Variants in PSMA4 observed in about 807,000 individuals in gnomAD.
PSMA4 encodes proteasome subunit alpha type-4.
PSMA4 carries 8 observed loss-of-function variants against 37.2 expected under a neutral mutation model. The observed-to-expected ratio is 0.22, with a 90% CI of 0.13 to 0.39. The LOEUF is 0.39. PSMA4 is among the 10% of genes least tolerant of loss of function. The probability of loss-of-function intolerance (pLI) is 1.00; values close to 1 mark genes in which losing one functional copy is unlikely to be tolerated. For missense variants in PSMA4, 169 were observed against 305.1 expected, an observed-to-expected ratio of 0.55 and a Z score of 3.32; for synonymous variants, 93 against 98.8, an observed-to-expected ratio of 0.94 and a Z score of 0.35.
chr15:78,544,644 G>T, intron 5 of PSMA4: 1 of 491,040 alleles, frequency 2.0e-6, no homozygotes, highest in East Asian at 3.3e-5. Flanking sequence ...AAAGATTAAA[G>T]TCATTAAAAA....
chr15:78,541,972 A>C, intron 2 of PSMA4, 42 bp downstream of exon 2: 4 of 1,585,102 alleles, frequency 2.5e-6, no homozygotes, highest in Non-Finnish European at 3.4e-6. Context: ...CCTGATAAAC[A>C]GTATTGCTTG....
chr15:78,544,521 G>C (rs568686743), intron 5 of PSMA4: 38 of 449,382 alleles, frequency 8.5e-5, no homozygotes, highest in African/African-American at 7.0e-4. Context: ...GGATGGTCTC[G>C]ATTTCCTGAC....
Position 78,548,967 on chromosome 15 carries a change from T to G in PSMA4, c.*23T>G. 1 of 1,593,386 alleles carries G rather than the reference T, an allele frequency of 6.3e-7. No individual in the cohort carries two copies. The highest frequency in any genetic ancestry group is 1.2e-5 in the South Asian group (1 of 86,522). ...TAGAATCAGAGATTTTATTACTCATTTGGGGCACCATTTCAGTGTAAAAGC... is the reference window on the plus strand; with the variant it reads ...TAGAATCAGAGATTTTATTACTCATGTGGGGCACCATTTCAGTGTAAAAGC... On this transcript the variant is annotated 3_prime_UTR_variant, in exon 9 of 9. Transcript: ENST00000044462.
Position 78,551,406 on chromosome 15 carries a change from G to A in PSMA4, c.*2462G>A, listed in dbSNP as rs1301002039. The stretch of plus-strand genomic sequence containing the variant: ...CCTCACATCACTTGCCAATCCCTCT[G>A]CCTTGGGAATGCTCTTCCTGGGTAT... On this transcript the variant is annotated 3_prime_UTR_variant, in exon 9 of 9. Coordinates refer to ENST00000044462, the MANE Select transcript of PSMA4 (RefSeq NM_002789.6). 6.6e-6 allele frequency: 1 copy of A among 151,732 alleles called. No homozygotes were observed. Among genetic ancestry groups the A allele is most frequent in the Non-Finnish European group, 1.5e-5 (1 of 68,020 alleles). 9.4% of individuals were successfully genotyped at this position (151,732 alleles called of 1,614,324 possible).
Position 78,544,881 on chromosome 15 carries a change from G to A in PSMA4, c.300G>A (p.Gln100=). The change falls in exon 6 of 9, where the codon CAG becomes CAA. Residue 100 remains glutamine (Q), a synonymous_variant. Coordinates refer to ENST00000044462, the MANE Select transcript of PSMA4 (RefSeq NM_002789.6). ...LRLIAQRYLL[Q]YQEPIPCEQL... ...CTCTTTATCCTAGGTATTTATTACA[G>A]TATCAGGAGCCAATACCTTGTGAGC... 1 of 1,606,230 alleles carries A rather than the reference G, an allele frequency of 6.2e-7. No individual in the cohort carries two copies. The highest frequency in any genetic ancestry group is 8.5e-7 in the Non-Finnish European group (1 of 1,173,364).
At position 78,546,559 on chromosome 15, in the gene PSMA4, G is replaced by T; in HGVS notation, c.508-16G>T. 2 of 1,564,952 alleles carry T rather than the reference G, an allele frequency of 1.3e-6. No homozygotes were observed. The highest frequency in any genetic ancestry group is 2.3e-5 in the East Asian group (1 of 43,522). On this transcript the variant is annotated splice_polypyrimidine_tract_variant and intron_variant, in intron 7 of 8. Coordinates refer to ENST00000044462, the MANE Select transcript of PSMA4 (RefSeq NM_002789.6). ...ATGTAAAAACTTAAAATTCTATGTTGATTCATGTTTTATAGGCAGCTGTGT... is the reference window on the plus strand; with the variant it reads ...ATGTAAAAACTTAAAATTCTATGTTTATTCATGTTTTATAGGCAGCTGTGT...
chr15:78,546,824 GGC>G, intron 8 of PSMA4, 126 bp downstream of exon 8: 1 of 1,030,970 alleles, frequency 9.7e-7, no homozygotes, highest in Non-Finnish European at 1.4e-6. Context: ...GGAGTGCAGT[GGC>G]GCAATCTCAG....
Position 78,540,462 on chromosome 15 carries a change from C to G in PSMA4, c.-101C>G, listed in dbSNP as rs1253030775. ...GGGGGCCATATTAGCAGCGGTTATT[C>G]GGTGAGCGGTGGTGGTTTATTCTTC... On this transcript the variant is annotated 5_prime_UTR_variant, in exon 1 of 9. Coordinates refer to ENST00000044462, the MANE Select transcript of PSMA4 (RefSeq NM_002789.6). The G allele has an allele frequency of 6.6e-6, 1 of 152,420 alleles. No homozygotes were observed. The highest frequency in any genetic ancestry group is 1.5e-5 in the Non-Finnish European group (1 of 68,194). 9.4% of individuals were successfully genotyped at this position (152,420 alleles called of 1,614,324 possible).
Position 78,552,410 on chromosome 15 carries a change from TA to T in PSMA4, c.*3473del, listed in dbSNP as rs1171207826. 4 of 152,190 alleles carry T rather than the reference TA, an allele frequency of 2.6e-5. No individual in the cohort carries two copies. The highest frequency in any genetic ancestry group is 9.7e-5 in the African/African-American group (4 of 41,444). The allele number at this position is 152,190 out of a possible 1,614,324, so 9.4% of individuals were successfully genotyped here. A position where few individuals can be genotyped will look rare whatever the true frequency, so the allele number is the denominator to read the frequency against. On this transcript the variant is annotated 3_prime_UTR_variant, in exon 9 of 9. Transcript: ENST00000044462. ...ATCATGCTTTTAAAAATAAATTATG[TA>T]AAAAAATCATGTACTCCTGTGTATA... is the stretch of plus-strand genomic sequence containing the variant.
intron 7 of PSMA4, among the ~76,000 whole-genome samples, chr15:78,546,154 T>C (rs1311639153): frequency 1.3e-5 from 2 of 152,122 alleles, no homozygotes; most frequent in Non-Finnish European, 2.9e-5. Context: ...ATCAAAATTA[T>C]GTATATGGGC....
At position 78,544,864 on chromosome 15, in the gene PSMA4, C is replaced by T. The variant is rs763157931; in HGVS notation, c.288-5C>T. On this transcript the variant is annotated splice_polypyrimidine_tract_variant and splice_region_variant and intron_variant, in intron 5 of 8. Transcript: ENST00000044462. ...ACTACTAATGTGCCCATCTCTTTAT[C>T]CTAGGTATTTATTACAGTATCAGGA... 5 of 1,584,914 alleles carry T rather than the reference C, an allele frequency of 3.2e-6. No individual in the cohort carries two copies. The highest frequency in any genetic ancestry group is 4.3e-6 in the Non-Finnish European group (5 of 1,155,552).
rs1053364645 is a variant in PSMA4 at position 78,549,840 on chromosome 15, CTG to C, written c.*899_*900del. The C allele has an allele frequency of 1.3e-5, 2 of 152,264 alleles. No homozygotes were observed. The highest frequency in any genetic ancestry group is 4.8e-5 in the African/African-American group (2 of 41,464). 9.4% of individuals were successfully genotyped at this position (152,264 alleles called of 1,614,324 possible). A position where few individuals can be genotyped will look rare whatever the true frequency, so the allele number is the denominator to read the frequency against. On this transcript the variant is annotated 3_prime_UTR_variant, in exon 9 of 9. Coordinates refer to ENST00000044462, the MANE Select transcript of PSMA4 (RefSeq NM_002789.6). The stretch of plus-strand genomic sequence containing the variant: ...CATGCTGTATCGATTAACTCAAGCT[CTG>C]TGGTGGAACCCAGATATTAACATTG...
At chr15:78,541,860 A>G in intron 1 of PSMA4, 45 bp from the exon 2 acceptor site, 1 of 1,467,132 alleles carries the variant, frequency 6.8e-7, no homozygotes, top group Non-Finnish European at 9.5e-7. Context: ...ATGCTTTTTA[A>G]TTTGTGAATC....
rs550743702 is a variant in PSMA4 at position 78,543,716 on chromosome 15, G to A, written c.210-474G>A. 7 of 154,392 alleles carry A rather than the reference G, an allele frequency of 4.5e-5. No individual in the cohort carries two copies. In the South Asian group the frequency reaches 5.9e-4, roughly 13 times the overall value. The allele number at this position is 154,392 out of a possible 1,614,324, so 9.6% of individuals were successfully genotyped here. On this transcript the variant is annotated intron_variant, in intron 4 of 8. Coordinates refer to ENST00000044462, the MANE Select transcript of PSMA4 (RefSeq NM_002789.6). Reference sequence around the variant, plus strand: ...CCCAAGTAGCTGGGACTATAGGTGCGCACCACCACACCCAGTTAGTTTTTG... The same window carrying A: ...CCCAAGTAGCTGGGACTATAGGTGCACACCACCACACCCAGTTAGTTTTTG...
At chr15:78,543,334 C>G (rs2052489377) in intron 4 of PSMA4, among the ~76,000 whole-genome samples, 1 of 152,100 alleles carries the variant, frequency 6.6e-6, no homozygotes, top group Admixed American at 6.6e-5. Flanking sequence ...TGGGACCACT[C>G]AACAGCTGGC....
At chr15:78,543,298 G>A (rs540616393) in intron 4 of PSMA4, among the ~76,000 whole-genome samples, 14 of 152,136 alleles carry the variant, frequency 9.2e-5, no homozygotes, top group African/African-American at 3.4e-4. Flanking sequence ...GTCCAAAGTG[G>A]TGTCACCCCT....
rs1430721189 is a variant in PSMA4, at chr15:78,550,936, A to G, written c.*1992A>G. 1 of 152,222 alleles carries G rather than the reference A, an allele frequency of 6.6e-6. No homozygotes were observed. The highest frequency in any genetic ancestry group is 2.4e-5 in the African/African-American group (1 of 41,444). 9.4% of individuals were successfully genotyped at this position (152,222 alleles called of 1,614,324 possible). On this transcript the variant is annotated 3_prime_UTR_variant, in exon 9 of 9. Transcript: ENST00000044462. ...ATTCACAAGTACAGAATCAGCAAGT[A>G]GTGAAGATGAATGGCACGTCTTCAC...
chr15:78,542,955 G>A (rs968920711), intron 4 of PSMA4, among the ~76,000 whole-genome samples: 4 of 152,094 alleles, frequency 2.6e-5, no homozygotes, highest in African/African-American at 9.7e-5. Context: ...ATTTCTTTGG[G>A]CCTCAGAGCC....
In PSMA4 at chr15:78,550,378, C is replaced by T. The variant is rs2052626174; in HGVS notation, c.*1434C>T. The stretch of plus-strand genomic sequence containing the variant: ...ACTGGGTCTTGCTCTGTCACCCAGG[C>T]TGGAGTGCAGTGGCGTGATCATATT... On this transcript the variant is annotated 3_prime_UTR_variant, in exon 9 of 9. Transcript: ENST00000044462. 1.3e-5 allele frequency: 2 copies of T among 152,452 alleles called. No homozygotes were observed. The highest frequency in any genetic ancestry group is 6.5e-5 in the Admixed American group (1 of 15,272). 9.4% of individuals were successfully genotyped at this position (152,452 alleles called of 1,614,324 possible). A position where few individuals can be genotyped will look rare whatever the true frequency, so the allele number is the denominator to read the frequency against.
Sources: allele counts gnomAD v4.1 joint callset (sites outside exome capture counted in the v4.1 genomes callset), GRCh38; gene constraint gnomAD v4.1.1; transcripts MANE v1.5; gene names NCBI Gene and HGNC (gene_info 2026-07-23, HGNC 2026-07-21).